ZFHX4: variants seen among roughly 807,000 people sequenced by gnomAD.
The protein encoded by ZFHX4 is zinc finger homeobox protein 4.
A neutral mutation model predicts 267.6 loss-of-function variants in ZFHX4; 56 were observed. That is an observed-to-expected ratio of 0.21 (90% CI 0.17 to 0.26). ZFHX4 has a LOEUF of 0.26. Among genes scored for constraint, ZFHX4 ranks in the 10% least tolerant of loss-of-function variants. ZFHX4 has a pLI of 1.00. For missense variants in ZFHX4, 4,332 were observed against 4,420.0 expected, an observed-to-expected ratio of 0.98 and a Z score of 0.56; for synonymous variants, 1,778 against 1,665.6, an observed-to-expected ratio of 1.07 and a Z score of -1.64.
At chr8:76,777,513 A>G (rs562683402) in intron 3 of ZFHX4, among the ~76,000 whole-genome samples, 275 of 152,332 alleles carry the variant, frequency 1.8e-3, no homozygotes, top group African/African-American at 6.2e-3. Context: ...TAAGAGAAAC[A>G]TTTTTGTTTA....
chr8:76,727,576 C>G (rs979556941), intron 3 of ZFHX4, among the ~76,000 whole-genome samples: 1 of 152,078 alleles, frequency 6.6e-6, no homozygotes, highest in Non-Finnish European at 1.5e-5. Context: ...AACTTTAGAG[C>G]CTGCAGGAAT....
intron 6 of ZFHX4, among the ~76,000 whole-genome samples, chr8:76,845,472 A>T (rs1297802416): frequency 2.6e-5 from 4 of 152,056 alleles, no homozygotes; most frequent in Non-Finnish European, 5.9e-5. Flanking sequence ...AATTAAAATT[A>T]TCCTTTCATT....
intron 4 of ZFHX4, among the ~76,000 whole-genome samples, chr8:76,802,981 G>A (rs1811151492): frequency 6.6e-6 from 1 of 152,024 alleles, no homozygotes. Flanking sequence ...TGAAGTCCTA[G>A]ACCACAGAGC....
rs199976271 is a variant in ZFHX4 at position 76,852,167 on chromosome 8, G to A, written c.5246G>A (p.Ser1749Asn). 2.0e-4 allele frequency: 320 copies of A among 1,613,948 alleles called. 2 individuals carry two copies. The Admixed American group carries it at 2.6e-3, about 13-fold the overall frequency. The change falls in exon 10 of 11, where the codon AGC (serine) becomes AAC (asparagine). Residue 1749 changes from serine to asparagine, a missense_variant. Ser to Asn is a conservative substitution (Grantham distance 46). This residue lies in a region of ZFHX4 where 1,371 missense variants were observed against 1,423.1 expected (regional missense o/e 0.96). Coordinates refer to ENST00000651372, the MANE Select transcript of ZFHX4 (RefSeq NM_024721.5). ...FPFYIPGTEF[S>N]LGPDLGLPGS... ...TTTTATATACCTGGGACGGAGTTCA[G>A]CTTGGGGCCAGATTTGGGCTTGCCA...
At chr8:76,856,612 G>A (rs1382428534) in intron 10 of ZFHX4, among the ~76,000 whole-genome samples, 4 of 152,010 alleles carry the variant, frequency 2.6e-5, no homozygotes, top group Non-Finnish European at 5.9e-5. Context: ...GATTTCAGAT[G>A]GCATTCCAGC....
intron 4 of ZFHX4, among the ~76,000 whole-genome samples, chr8:76,824,862 C>T (rs1329491692): frequency 2.6e-5 from 4 of 152,072 alleles, no homozygotes; most frequent in African/African-American, 4.8e-5. Flanking sequence ...TGAGTCACTG[C>T]GGGCCTCACT....
chr8:76,711,903 A>C (rs1808434184), intron 3 of ZFHX4, among the ~76,000 whole-genome samples: 1 of 152,228 alleles, frequency 6.6e-6, no homozygotes, highest in Non-Finnish European at 1.5e-5. Context: ...TCTAACCACC[A>C]TTCAGTGCAG....
At chr8:76,850,784 A>G in intron 9 of ZFHX4, 102 bp from the exon 10 acceptor site, 1 of 1,302,448 alleles carries the variant, frequency 7.7e-7, no homozygotes, top group Non-Finnish European at 1.0e-6. Context: ...CAAACAATTA[A>G]TTAAGCAGAA....
chr8:76,825,796 G>A (rs1260307616), intron 4 of ZFHX4, among the ~76,000 whole-genome samples: 1 of 152,164 alleles, frequency 6.6e-6, no homozygotes, highest in East Asian at 1.9e-4. Flanking sequence ...TTGTGACATT[G>A]ATTCAACTCT....
rs547565036 is a variant in ZFHX4, at chr8:76,852,828, T to C, written c.5907T>C (p.His1969=). ...TAAAGAGTCACCAAGAACATGTACA[T>C]GGGCAATTTTTTCCATATGCAGCGC... ...LILKSHQEHV[H]GQFFPYAALE... The change falls in exon 10 of 11, where the codon CAT becomes CAC. Residue 1969 remains histidine (H), a synonymous_variant. Transcript: ENST00000651372. 6.8e-5 allele frequency: 110 copies of C among 1,613,894 alleles called. No homozygotes were observed. In the East Asian group the frequency reaches 2.4e-3, roughly 35 times the overall value.
chr8:76,713,706 G>A (rs1475514804), intron 3 of ZFHX4, among the ~76,000 whole-genome samples: 1 of 152,140 alleles, frequency 6.6e-6, no homozygotes, highest in East Asian at 1.9e-4. Context: ...TTTTATAAAA[G>A]CAGAGTCGTG....
At chr8:76,810,622 T>G (rs1231590394) in intron 4 of ZFHX4, among the ~76,000 whole-genome samples, 1 of 152,202 alleles carries the variant, frequency 6.6e-6, no homozygotes, top group Non-Finnish European at 1.5e-5. Flanking sequence ...TGTGACTTTT[T>G]TACCCTTCGG....
rs541323296 is a variant in ZFHX4 at position 76,684,246 on chromosome 8, C to T, written c.-47+2626C>T. ...GAATGAAGGTTTTCTTTTTTCCTTC[C>T]TCATCTTAAAAAAAAAAATCCTTAA... On this transcript the variant is annotated intron_variant, in intron 1 of 10. Coordinates refer to ENST00000651372, the MANE Select transcript of ZFHX4 (RefSeq NM_024721.5). 3.6e-4 allele frequency among the ~76,000 whole-genome samples: 54 copies of T among 150,098 alleles called. No individual in the cohort carries two copies. In the South Asian group the frequency reaches 5.4e-3, roughly 15 times the overall value.
chr8:76,704,054 G>T lies in ZFHX4; in HGVS notation c.-35G>T, dbSNP rs760317059. On this transcript the variant is annotated 5_prime_UTR_variant, in exon 2 of 11. Transcript: ENST00000651372. ...TATTTTTTATCCAGGTCCCTGACAG[G>T]CTGGATGAAATGAGATCCCCATGTA... 11 of 1,554,774 alleles carry T rather than the reference G, an allele frequency of 7.1e-6. No homozygotes were observed. The highest frequency in any genetic ancestry group is 2.3e-5 in the East Asian group (1 of 44,442).
chr8:76,727,846 A>G (rs1379357916), intron 3 of ZFHX4, among the ~76,000 whole-genome samples: 2 of 152,146 alleles, frequency 1.3e-5, no homozygotes, highest in East Asian at 3.9e-4. Flanking sequence ...TTCAAATACA[A>G]TAGAACGTTC....
At chr8:76,717,389 G>A (rs1808604683) in intron 3 of ZFHX4, among the ~76,000 whole-genome samples, 1 of 152,096 alleles carries the variant, frequency 6.6e-6, no homozygotes, top group African/African-American at 2.4e-5. Flanking sequence ...AGAGATGTTT[G>A]GAGAAATCTT....
At chr8:76,692,376 A>G (rs539323047) in intron 1 of ZFHX4, among the ~76,000 whole-genome samples, 2 of 152,298 alleles carry the variant, frequency 1.3e-5, no homozygotes, top group African/African-American at 4.8e-5. Context: ...ACTTGATATT[A>G]GTGACATTTT....
intron 6 of ZFHX4, among the ~76,000 whole-genome samples, chr8:76,845,814 T>C (rs999971860): frequency 1.3e-5 from 2 of 152,048 alleles, no homozygotes; most frequent in Admixed American, 1.3e-4. Context: ...ATCCCATAAC[T>C]GACAGATAAT....
Position 76,855,173 on chromosome 8 carries a change from C to A in ZFHX4, c.8252C>A (p.Thr2751Lys). ...DLSSENELAS[T>K]VSTPVSKTAE... is the part of the protein sequence containing the mutation. ...TCAAGTGAGAATGAATTGGCTTCTA[C>A]AGTGTCAACACCTGTTAGTAAAACA... Residue 2751 changes from threonine to lysine, a missense_variant, in exon 10 of 11, where the codon ACA becomes AAA. Around this residue, in one of 7 missense-constraint regions of ZFHX4, gnomAD observed 1,648 missense variants for 1,625.0 expected, o/e 1.01. Transcript: ENST00000651372. 6.2e-7 allele frequency: 1 copy of A among 1,613,590 alleles called. No individual in the cohort carries two copies. The highest frequency in any genetic ancestry group is 8.5e-7 in the Non-Finnish European group (1 of 1,179,766).
Sources: gnomAD v4.1 joint callset for allele counts (sites outside exome capture counted in the v4.1 genomes callset) on GRCh38, gnomAD v4.1.1 for gene constraint, gnomAD v4.1.1 regional missense constraint, MANE v1.5 for transcripts, NCBI Gene and HGNC (gene_info 2026-07-23, HGNC 2026-07-21) for gene names.